CRACD: variants seen among roughly 807,000 people sequenced by gnomAD.
CRACD encodes the protein capping protein-inhibiting regulator of actin dynamics.
Under a neutral mutation model 106.8 loss-of-function variants are expected in CRACD, and 56 were observed. The observed-to-expected ratio is 0.52, with a 90% CI of 0.42 to 0.66. CRACD has a LOEUF of 0.66. Ranked by LOEUF, CRACD falls within the 30% of genes least tolerant of loss-of-function variation. The pLI is 0.00. For synonymous variants in CRACD, 754 were observed against 670.8 expected (o/e 1.12, Z -1.92); for missense variants, 1,730 against 1,623.2 (o/e 1.07, Z -1.13).
chr4:56,124,607 A>G (rs1477957620), intron 1 of CRACD, among the ~76,000 whole-genome samples: 4 of 152,136 alleles, frequency 2.6e-5, no homozygotes, highest in Admixed American at 6.5e-5. Flanking sequence ...ATGTCTTTTT[A>G]TAGTTGCTTT....
chr4:56,188,711 C>CACACAG (rs1446016845), intron 2 of CRACD, among the ~76,000 whole-genome samples: 8 of 113,170 alleles, frequency 7.1e-5, no homozygotes, highest in African/African-American at 1.5e-4. Context: ...CACACACACA[C>CACACAG]AGAGAGAGAG....
At chr4:56,297,875 A>T (rs144279073) in intron 3 of CRACD, 84 of 167,264 alleles carry the variant, frequency 5.0e-4, no homozygotes, top group Middle Eastern at 2.9e-3. Context: ...GGTTGGCAAG[A>T]CTTACTGGGA....
At chr4:56,049,528 G>C (rs1167241190) in intron 1 of CRACD, among the ~76,000 whole-genome samples, 1 of 152,108 alleles carries the variant, frequency 6.6e-6, no homozygotes, top group Non-Finnish European at 1.5e-5. Context: ...TGCGCGCTTT[G>C]GATCCCCGCA....
At chr4:56,146,100 AT>A (rs1342133934) in intron 1 of CRACD, among the ~76,000 whole-genome samples, 1 of 152,096 alleles carries the variant, frequency 6.6e-6, no homozygotes, top group Non-Finnish European at 1.5e-5. Flanking sequence ...ATTATGGACT[AT>A]TTGTTGTTAA....
chr4:56,222,736 A>G (rs1231589048), intron 2 of CRACD, among the ~76,000 whole-genome samples: 1 of 151,784 alleles, frequency 6.6e-6, no homozygotes, highest in African/African-American at 2.4e-5. Context: ...ACTTGAGTTC[A>G]GGAGTTCGAG....
chr4:56,252,069 TATA>T (rs1741086813), intron 2 of CRACD, among the ~76,000 whole-genome samples: 1 of 152,242 alleles, frequency 6.6e-6, no homozygotes, highest in South Asian at 2.1e-4. Context: ...TCTTTTCTAT[TATA>T]CTTAGTGTTA....
At chr4:56,050,273 A>AGTGTGTGTGTGT (rs3036783) in intron 1 of CRACD, among the ~76,000 whole-genome samples, 2 of 134,564 alleles carry the variant, frequency 1.5e-5, no homozygotes, top group Admixed American at 1.5e-4. Flanking sequence ...TAGGTGAGGG[A>AGTGTGTGTGTGT]GTGTGTGTGT....
At chr4:56,220,991 G>T (rs1170111734) in intron 2 of CRACD, among the ~76,000 whole-genome samples, 2 of 152,134 alleles carry the variant, frequency 1.3e-5, no homozygotes, top group African/African-American at 4.8e-5. Context: ...GAAAGCATTT[G>T]GTGTATTCAG....
intron 4 of CRACD, among the ~76,000 whole-genome samples, chr4:56,304,131 T>A (rs1409068703): frequency 6.6e-6 from 1 of 152,072 alleles, no homozygotes; most frequent in Non-Finnish European, 1.5e-5. Context: ...ATCCCCCAGC[T>A]GTTGTAACTG....
intron 2 of CRACD, among the ~76,000 whole-genome samples, chr4:56,241,152 T>C (rs2109561602): frequency 6.6e-6 from 1 of 152,358 alleles, no homozygotes; most frequent in South Asian, 2.1e-4. Flanking sequence ...TCCTTAGCTC[T>C]TCACTGCAGT....
At chr4:56,085,067 G>A (rs1733167473) in intron 1 of CRACD, among the ~76,000 whole-genome samples, 1 of 152,138 alleles carries the variant, frequency 6.6e-6, no homozygotes, top group Non-Finnish European at 1.5e-5. Context: ...TTGTGAGTGG[G>A]AAGGGTGGAG....
chr4:56,073,553 G>T (rs1577945610), intron 1 of CRACD, among the ~76,000 whole-genome samples: 1 of 121,422 alleles, frequency 8.2e-6, no homozygotes, highest in South Asian at 2.7e-4. Flanking sequence ...TGATGGGGTT[G>T]TTTTTTTCTT....
At chr4:56,164,596 TGGGAGAG>T (rs1167377576) in intron 1 of CRACD, among the ~76,000 whole-genome samples, 1 of 152,134 alleles carries the variant, frequency 6.6e-6, no homozygotes, top group Non-Finnish European at 1.5e-5. Flanking sequence ...ATATGACATT[TGGGAGAG>T]AGCAAAACTA....
chr4:56,241,020 A>G (rs1740338511), intron 2 of CRACD, among the ~76,000 whole-genome samples: 1 of 152,202 alleles, frequency 6.6e-6, no homozygotes. Flanking sequence ...AAAGCAGGAA[A>G]GGAGCTCAGA....
intron 1 of CRACD, among the ~76,000 whole-genome samples, chr4:56,154,656 A>G (rs775256305): frequency 6.6e-6 from 1 of 152,182 alleles, no homozygotes; most frequent in Non-Finnish European, 1.5e-5. Flanking sequence ...TTACAAGGAC[A>G]TTTAGCTCAC....
chr4:56,295,384 A>G (rs1186832095), intron 3 of CRACD, among the ~76,000 whole-genome samples: 1 of 152,082 alleles, frequency 6.6e-6, no homozygotes, highest in East Asian at 1.9e-4. Flanking sequence ...CACCACTATT[A>G]TAATTACTAC....
At position 56,060,389 on chromosome 4, in the gene CRACD, TA is replaced by T. The variant is rs546293279; in HGVS notation, c.-336+11092del. ...GCACAGGGGAGGGAGTGAATACTCGTAACAGGGTAGAATAAGGGAAGATCAG... is the reference window on the plus strand; with the variant it reads ...GCACAGGGGAGGGAGTGAATACTCGTACAGGGTAGAATAAGGGAAGATCAG... On this transcript the variant is annotated intron_variant, in intron 1 of 10. Coordinates refer to ENST00000682029, the MANE Select transcript of CRACD (RefSeq NM_001393381.1). Among the ~76,000 whole-genome samples, 35 of 152,116 alleles carry T rather than the reference TA, an allele frequency of 2.3e-4. No individual in the cohort carries two copies. In the East Asian group the frequency reaches 6.8e-3, roughly 29 times the overall value.
chr4:56,306,117 A>AT (rs893646441), intron 4 of CRACD, among the ~76,000 whole-genome samples: 2 of 152,038 alleles, frequency 1.3e-5, no homozygotes, highest in African/African-American at 4.8e-5. Context: ...GGCCTCAGAC[A>AT]TTTTTTGCAA....
At chr4:56,080,818 C>T (rs1042569979) in intron 1 of CRACD, among the ~76,000 whole-genome samples, 2 of 152,144 alleles carry the variant, frequency 1.3e-5, no homozygotes, top group African/African-American at 4.8e-5. Context: ...AAGACACCTA[C>T]CCTTTAGTGA....
Sources: allele counts gnomAD v4.1 joint callset (sites outside exome capture counted in the v4.1 genomes callset), GRCh38; gene constraint gnomAD v4.1.1; transcripts MANE v1.5; gene names NCBI Gene and HGNC (gene_info 2026-07-23, HGNC 2026-07-21).